Variants in STAMBP observed in about 807,000 individuals in gnomAD.
STAMBP encodes STAM-binding protein.
In STAMBP, 31 loss-of-function variants were observed where a neutral mutation model predicts 50.7. That is an observed-to-expected ratio of 0.61 (90% CI 0.46 to 0.83). The LOEUF (loss-of-function observed/expected upper bound fraction) is 0.83, where lower values mean the gene tolerates loss of function less well. STAMBP is among the 40% of genes least tolerant of loss of function. STAMBP has a pLI of 0.00. For missense variants in STAMBP, 472 were observed against 518.9 expected, an observed-to-expected ratio of 0.91 and a Z score of 0.88; for synonymous variants, 211 against 192.4, an observed-to-expected ratio of 1.10 and a Z score of -0.80.
downstream of STAMBP, among the ~76,000 whole-genome samples, chr2:73,871,655 T>A (rs1293635071): frequency 6.6e-6 from 1 of 152,202 alleles, no homozygotes; most frequent in Non-Finnish European, 1.5e-5. Flanking sequence ...GCTAATTTTT[T>A]ATTCATCTCT....
At chr2:73,841,302 C>T (rs1175214974) in intron 2 of STAMBP, among the ~76,000 whole-genome samples, 1 of 152,160 alleles carries the variant, frequency 6.6e-6, no homozygotes, top group East Asian at 1.9e-4. Flanking sequence ...AAAGAAAAAA[C>T]TCCCAAACCT....
chr2:73,852,674 G>C (rs747796692), intron 7 of STAMBP, among the ~76,000 whole-genome samples: 3 of 152,002 alleles, frequency 2.0e-5, no homozygotes, highest in Non-Finnish European at 2.9e-5. Context: ...GAGGAGGAAG[G>C]CTCTTTTGTT....
intron 5 of STAMBP, among the ~76,000 whole-genome samples, chr2:73,848,873 C>T (rs888770869): frequency 6.6e-6 from 1 of 151,958 alleles, no homozygotes; most frequent in African/African-American, 2.4e-5. Flanking sequence ...TGTCTTTTTC[C>T]CCCCTAAATT....
At chr2:73,834,236 A>AAAAAT (rs1674407008) in intron 2 of STAMBP, among the ~76,000 whole-genome samples, 1 of 36,414 alleles carries the variant, frequency 2.7e-5, no homozygotes, top group African/African-American at 1.6e-4. Context: ...AAAAAAAAAA[A>AAAAAT]ATATATATAT....
rs1162225943 is a variant in STAMBP, at chr2:73,864,126, G to A, written c.*1867G>A. On this transcript the variant is annotated 3_prime_UTR_variant, in exon 10 of 10. Coordinates refer to ENST00000394070, the MANE Select transcript of STAMBP (RefSeq NM_213622.4). ...GAATCTCTAGGGTGGAGCCTCAGAT[G>A]TTGTTTCTGCATTTGTCTTTCAAGC... is the stretch of plus-strand genomic sequence containing the variant. 6.6e-6 allele frequency: 1 copy of A among 152,162 alleles called. No individual in the cohort carries two copies. The highest frequency in any genetic ancestry group is 1.5e-5 in the Non-Finnish European group (1 of 68,032). 9.4% of individuals were successfully genotyped at this position (152,162 alleles called of 1,614,324 possible).
At chr2:73,870,689 T>C (rs1320680426), downstream of STAMBP, among the ~76,000 whole-genome samples, 1 of 152,224 alleles carries the variant, frequency 6.6e-6, no homozygotes, top group African/African-American at 2.4e-5. Flanking sequence ...TAATTCCCTA[T>C]GGTTAGCTTC....
At position 73,873,545 on chromosome 2, in the gene STAMBP, G is replaced by A. The variant is rs563793083; in HGVS notation, c.*239G>A. On this transcript the variant is annotated 3_prime_UTR_variant, in exon 11 of 11. Transcript: ENST00000409707. ...ACTTAGGTAACAACTAACATCAGAG[G>A]TTTTTGATCTGTAGCCTTTCTTTCT... The A allele has an allele frequency of 3.2e-4, 49 of 152,316 alleles. No homozygotes were observed. The South Asian group carries it at 4.1e-3, about 13-fold the overall frequency. 9.4% of individuals were successfully genotyped at this position (152,316 alleles called of 1,614,324 possible). A position where few individuals can be genotyped will look rare whatever the true frequency, so the allele number is the denominator to read the frequency against.
Position 73,865,698 on chromosome 2 carries a change from C to G in STAMBP, c.*3439C>G, listed in dbSNP as rs1678813068. 6.6e-6 allele frequency: 1 copy of G among 152,128 alleles called. No individual in the cohort carries two copies. The highest frequency in any genetic ancestry group is 2.4e-5 in the African/African-American group (1 of 41,414). The allele number at this position is 152,128 out of a possible 1,614,324, so 9.4% of individuals were successfully genotyped here. A position where few individuals can be genotyped will look rare whatever the true frequency, so the allele number is the denominator to read the frequency against. On this transcript the variant is annotated 3_prime_UTR_variant, in exon 10 of 10. Transcript: ENST00000394070. ...AATGACATCTATATGCATATGAGGC[C>G]TACGTTAGTTGAAAGATGCTATAAA...
rs184648672 is a variant in STAMBP at position 73,829,663 on chromosome 2, G to A, written c.-13+153G>A. On this transcript the variant is annotated intron_variant, in intron 1 of 9. Coordinates refer to ENST00000394070, the MANE Select transcript of STAMBP (RefSeq NM_213622.4). ...GAGATGGACTATCTCTGCATCCCTAGTAGTCCTCACGGCTTTTGTGCTATT... is the reference window on the plus strand; with the variant it reads ...GAGATGGACTATCTCTGCATCCCTAATAGTCCTCACGGCTTTTGTGCTATT... Among the ~76,000 whole-genome samples, 221 of 152,332 alleles carry A rather than the reference G, an allele frequency of 1.5e-3. 1 individual carries two copies. The highest frequency in any genetic ancestry group is 5.2e-3 in the African/African-American group (215 of 41,576).
At chr2:73,832,086 T>C (rs1674005319) in intron 2 of STAMBP, among the ~76,000 whole-genome samples, 1 of 121,912 alleles carries the variant, frequency 8.2e-6, no homozygotes, top group Non-Finnish European at 1.6e-5. Context: ...GTAGGTAACA[T>C]ATATATATAT....
intron 2 of STAMBP, among the ~76,000 whole-genome samples, chr2:73,832,459 TC>T (rs1674078692): frequency 7.1e-6 from 1 of 140,202 alleles, no homozygotes; most frequent in African/African-American, 2.8e-5. Context: ...CGAGACTGTT[TC>T]AAAAAAAAAA....
intron 4 of STAMBP, among the ~76,000 whole-genome samples, chr2:73,845,596 T>C (rs891287022): frequency 6.6e-6 from 1 of 152,084 alleles, no homozygotes; most frequent in Non-Finnish European, 1.5e-5. Flanking sequence ...CATTTGGTTA[T>C]ACCTGAAGCT....
At position 73,850,644 on chromosome 2, in the gene STAMBP, C is replaced by T; in HGVS notation, c.1005+131C>T. 1.0e-6 allele frequency: 1 copy of T among 982,316 alleles called. No homozygotes were observed. The highest frequency in any genetic ancestry group is 1.4e-6 in the Non-Finnish European group (1 of 711,092). The allele number at this position is 982,316 out of a possible 1,614,324, so 60.8% of individuals were successfully genotyped here. On this transcript the variant is annotated intron_variant, in intron 7 of 9. Coordinates refer to ENST00000394070, the MANE Select transcript of STAMBP (RefSeq NM_213622.4). The surrounding 1 kb of genome is among the most constrained non-coding windows in gnomAD (Gnocchi z 4.3). ...TGTTTTTCTCTCTTTTGGATGCAGT[C>T]CTTAGCATACTTGACTATTGCACTT...
chr2:73,855,905 G>A lies in STAMBP; in HGVS notation c.1006-3349G>A, dbSNP rs1677492731. Among the ~76,000 whole-genome samples the A allele has an allele frequency of 2.0e-5, 3 of 152,192 alleles. No homozygotes were observed. The South Asian group carries it at 6.2e-4, about 31-fold the overall frequency. ...AGGAGATTTGTTTTTTTGGACAGCA[G>A]GTTTGAAAACGCTAGTCAATTGCAT... On this transcript the variant is annotated intron_variant, in intron 7 of 9. Coordinates refer to ENST00000394070, the MANE Select transcript of STAMBP (RefSeq NM_213622.4).
chr2:73,861,460 A>G (rs959693226), intron 9 of STAMBP, among the ~76,000 whole-genome samples: 2 of 152,110 alleles, frequency 1.3e-5, no homozygotes, highest in South Asian at 4.1e-4. Context: ...TCTGGCTTCC[A>G]GACTGAGAAC....
rs1678481457 is a variant in STAMBP at position 73,862,770 on chromosome 2, A to G, written c.*511A>G. 6.6e-6 allele frequency: 1 copy of G among 152,630 alleles called. No homozygotes were observed. The highest frequency in any genetic ancestry group is 2.4e-5 in the African/African-American group (1 of 41,450). The allele number at this position is 152,630 out of a possible 1,614,324, so 9.5% of individuals were successfully genotyped here. A position where few individuals can be genotyped will look rare whatever the true frequency, so the allele number is the denominator to read the frequency against. ...ACTGGGGTGAGGGACAGCTTACTCC[A>G]TTTGACCAGATTGTTTGGCTAACAC... is the stretch of plus-strand genomic sequence containing the variant. On this transcript the variant is annotated 3_prime_UTR_variant, in exon 10 of 10. Transcript: ENST00000394070.
rs76538007 is a variant in STAMBP at position 73,866,432 on chromosome 2, C to T, written c.*4173C>T. 1 of 152,202 alleles carries T rather than the reference C, an allele frequency of 6.6e-6. No homozygotes were observed. Among genetic ancestry groups the T allele is most frequent in the Non-Finnish European group, 1.5e-5 (1 of 68,050 alleles). 9.4% of individuals were successfully genotyped at this position (152,202 alleles called of 1,614,324 possible). On this transcript the variant is annotated 3_prime_UTR_variant, in exon 10 of 10. Coordinates refer to ENST00000394070, the MANE Select transcript of STAMBP (RefSeq NM_213622.4). ...TATGTAAGTCATGTTTCTGAACTAT[C>T]GTATAAATTTCATTAGGGTAAGAAT...
At chr2:73,834,388 G>A (rs1403538791) in intron 2 of STAMBP, among the ~76,000 whole-genome samples, 1 of 149,674 alleles carries the variant, frequency 6.7e-6, no homozygotes, top group African/African-American at 2.5e-5. Context: ...TATATTGTAT[G>A]TATTATGTAC....
intron 8 of STAMBP, among the ~76,000 whole-genome samples, chr2:73,859,781 C>G (rs1678098266): frequency 6.6e-6 from 1 of 151,906 alleles, no homozygotes; most frequent in Non-Finnish European, 1.5e-5. Context: ...GAATGCACTT[C>G]TTTTTCATAC....
Sources: allele counts gnomAD v4.1 joint callset (sites outside exome capture counted in the v4.1 genomes callset), GRCh38; gene constraint gnomAD v4.1.1; non-coding constraint Gnocchi (gnomAD v3.1); transcripts MANE v1.5; gene names NCBI Gene and HGNC (gene_info 2026-07-23, HGNC 2026-07-21).